The following INSC variants were observed in gnomAD, a reference collection of about 807,000 sequenced individuals.
INSC encodes the protein protein inscuteable homolog.
INSC carries 67 observed loss-of-function variants against 58.6 expected under a neutral mutation model. The ratio of observed to expected loss-of-function variants is 1.14; its 90% CI spans 0.94 to 1.40. The LOEUF (loss-of-function observed/expected upper bound fraction) is 1.40. Among genes scored for constraint, INSC ranks in the 40% most tolerant of loss-of-function variants. The pLI is 0.00. For synonymous variants in INSC, 262 were observed against 276.1 expected (o/e 0.95, Z 0.51); for missense variants, 714 against 692.0 (o/e 1.03, Z -0.36).
chr11:15,196,553 A>G (rs1459143103), intron 6 of INSC, among the ~76,000 whole-genome samples: 3 of 152,190 alleles, frequency 2.0e-5, no homozygotes, highest in Non-Finnish European at 2.9e-5. Flanking sequence ...CACAGTAATC[A>G]GCTTGCTTGC....
At chr11:15,168,871 A>G (rs557372112) in intron 2 of INSC, among the ~76,000 whole-genome samples, 1 of 152,274 alleles carries the variant, frequency 6.6e-6, no homozygotes, top group Non-Finnish European at 1.5e-5. Flanking sequence ...ACCTTATGAA[A>G]ATGTATTGAA....
At chr11:15,139,863 T>A (rs1472064490) in intron 1 of INSC, among the ~76,000 whole-genome samples, 1 of 152,186 alleles carries the variant, frequency 6.6e-6, no homozygotes, top group Non-Finnish European at 1.5e-5. Flanking sequence ...GGGCACCAGA[T>A]TCTCACTTTT....
intron 2 of INSC, among the ~76,000 whole-genome samples, chr11:15,157,867 C>T (rs1848870825): frequency 6.6e-6 from 1 of 152,186 alleles, no homozygotes; most frequent in South Asian, 2.1e-4. Context: ...TCTGCAAGGC[C>T]TGACCCCCAC....
intron 7 of INSC, among the ~76,000 whole-genome samples, chr11:15,215,848 T>C (rs1851197271): frequency 6.6e-6 from 1 of 152,070 alleles, no homozygotes; most frequent in African/African-American, 2.4e-5. Context: ...GGTGCATGCA[T>C]GTTCACAGAG....
intron 12 of INSC, among the ~76,000 whole-genome samples, chr11:15,242,883 A>G (rs1473017426): frequency 6.6e-6 from 1 of 152,146 alleles, no homozygotes; most frequent in African/African-American, 2.4e-5. Context: ...GAATTCAGAC[A>G]TAGGCCTGCC....
intron 7 of INSC, among the ~76,000 whole-genome samples, chr11:15,206,671 G>GGGGGAGGACTGCA: frequency 6.6e-6 from 1 of 152,274 alleles, no homozygotes. Flanking sequence ...GCATTACCAA[G>GGGGGAGGACTGCA]GGGGAGGACT....
At chr11:15,199,523 T>C (rs1381263088) in intron 6 of INSC, among the ~76,000 whole-genome samples, 1 of 152,232 alleles carries the variant, frequency 6.6e-6, no homozygotes, top group Non-Finnish European at 1.5e-5. Flanking sequence ...TTCGTTGTTT[T>C]ATCGTCATTC....
intron 2 of INSC, among the ~76,000 whole-genome samples, chr11:15,168,913 T>C (rs1465765155): frequency 6.6e-6 from 1 of 152,204 alleles, no homozygotes. Context: ...TGTTCACTTC[T>C]ATGTACATAT....
At chr11:15,221,223 C>T (rs1287011480) in intron 7 of INSC, among the ~76,000 whole-genome samples, 1 of 151,862 alleles carries the variant, frequency 6.6e-6, no homozygotes, top group Non-Finnish European at 1.5e-5. Context: ...TTGATGTCCG[C>T]TATCTAGGAG....
At chr11:15,208,322 C>T (rs1023585398) in intron 7 of INSC, among the ~76,000 whole-genome samples, 2 of 152,060 alleles carry the variant, frequency 1.3e-5, no homozygotes, top group Non-Finnish European at 2.9e-5. Context: ...TAAGGCTTTG[C>T]AGAGAGGCCC....
At chr11:15,158,697 TCTC>T (rs34184079) in intron 2 of INSC, among the ~76,000 whole-genome samples, 58,805 of 151,394 alleles carry the variant, frequency 0.39, 12,185 homozygotes, top group Non-Finnish European at 0.48. Context: ...CAAACAAAAG[TCTC>T]CTCATCTGTA....
At chr11:15,185,035 A>AT (rs1159678457) in intron 5 of INSC, among the ~76,000 whole-genome samples, 1 of 152,160 alleles carries the variant, frequency 6.6e-6, no homozygotes, top group Non-Finnish European at 1.5e-5. Context: ...TACTTTTGGA[A>AT]TTTTTTCCAG....
intron 1 of INSC, among the ~76,000 whole-genome samples, chr11:15,121,657 A>G (rs1374811497): frequency 6.6e-6 from 1 of 152,136 alleles, no homozygotes; most frequent in Non-Finnish European, 1.5e-5. Context: ...TCAAACTTAT[A>G]CCCACTGATT....
chr11:15,201,174 G>C (rs1850576901), intron 7 of INSC, among the ~76,000 whole-genome samples: 1 of 152,168 alleles, frequency 6.6e-6, no homozygotes, highest in Non-Finnish European at 1.5e-5. Flanking sequence ...AGGGCTCAAA[G>C]GGACACTCAG....
At position 15,180,280 on chromosome 11, in the gene INSC, C is replaced by CA. The variant is rs200090689; in HGVS notation, c.579+1836dup. Reference sequence around the variant, plus strand: ...CTCAAAAAAAACAAACAAAACAAAACAAACAAACAAACAAACAAAAAGGGC... The same window carrying CA: ...CTCAAAAAAAACAAACAAAACAAAACAAAACAAACAAACAAACAAAAAGGGC... On this transcript the variant is annotated intron_variant, in intron 5 of 12. Transcript: ENST00000379556. 2.6e-3 allele frequency among the ~76,000 whole-genome samples: 396 copies of CA among 151,710 alleles called. 1 individual carries two copies. Among genetic ancestry groups the CA allele is most frequent in the African/African-American group, 9.0e-3 (373 of 41,344 alleles).
chr11:15,130,700 T>G (rs1300949215), intron 1 of INSC, among the ~76,000 whole-genome samples: 1 of 152,174 alleles, frequency 6.6e-6, no homozygotes, highest in African/African-American at 2.4e-5. Context: ...TTTGGTGTTT[T>G]CCTTACGGGA....
intron 5 of INSC, among the ~76,000 whole-genome samples, chr11:15,183,829 T>A (rs1357785310): frequency 1.3e-5 from 2 of 152,178 alleles, no homozygotes; most frequent in Non-Finnish European, 2.9e-5. Context: ...GGTTTTACAT[T>A]TTTAAAAAAA....
Position 15,230,575 on chromosome 11 carries a change from C to G in INSC, c.1170+4747C>G, listed in dbSNP as rs756876725. ...TCAACATGAGATTTTGGTGAAGACA[C>G]AGATCCAAAACATATCAGGGATATT... On this transcript the variant is annotated intron_variant, in intron 9 of 12. Transcript: ENST00000379556. 2.6e-5 allele frequency among the ~76,000 whole-genome samples: 4 copies of G among 152,218 alleles called. No individual in the cohort carries two copies. In the East Asian group the frequency reaches 7.7e-4, roughly 29 times the overall value.
intron 7 of INSC, among the ~76,000 whole-genome samples, chr11:15,203,264 C>T (rs1015908412): frequency 6.6e-6 from 1 of 152,182 alleles, no homozygotes. Context: ...CCCAGACCAC[C>T]TTGCTATTCC....
Sources: gnomAD v4.1 joint callset for allele counts (sites outside exome capture counted in the v4.1 genomes callset) on GRCh38, gnomAD v4.1.1 for gene constraint, MANE v1.5 for transcripts, NCBI Gene and HGNC (gene_info 2026-07-23, HGNC 2026-07-21) for gene names.